Variants in KLHL4 observed in about 807,000 individuals in gnomAD.
The protein encoded by KLHL4 is kelch like family member 4, also known as kelch-like protein 4.
In KLHL4, 17 loss-of-function variants were observed where a neutral mutation model predicts 45.8. The observed-to-expected ratio is 0.37, with a 90% confidence interval of 0.25 to 0.56. The LOEUF (loss-of-function observed/expected upper bound fraction) is 0.56, where lower values mean the gene tolerates loss of function less well. KLHL4 is among the 20% of genes least tolerant of loss of function. The pLI is 0.79. For missense variants in KLHL4, 544 were observed against 544.9 expected, an observed-to-expected ratio of 1.00 and a Z score of 0.02; for synonymous variants, 224 against 189.9, an observed-to-expected ratio of 1.18 and a Z score of -1.47.
chrX:87,579,809 A>T (rs1189898466), intron 1 of KLHL4, among the ~76,000 whole-genome samples: 1 of 112,270 alleles, frequency 8.9e-6, no homozygotes, highest in Non-Finnish European at 1.9e-5. Flanking sequence ...TCACCACTGG[A>T]TCTGCCTTAC....
chrX:87,582,804 C>A (rs745652787), intron 1 of KLHL4, among the ~76,000 whole-genome samples: 2 of 111,457 alleles, frequency 1.8e-5, no homozygotes, highest in South Asian at 3.8e-4. Context: ...ATGGCACGGA[C>A]CCAAATAGTG....
At chrX:87,614,355 A>G in intron 2 of KLHL4, 79 bp from the exon 3 acceptor site, 1 of 977,203 alleles carries the variant, frequency 1.0e-6, no homozygotes, top group Non-Finnish European at 1.4e-6. Context: ...CTAGTGTTAC[A>G]AACTTGCTGA....
At chrX:87,561,051 G>GA (rs1370497867) in intron 1 of KLHL4, among the ~76,000 whole-genome samples, 1 of 111,059 alleles carries the variant, frequency 9.0e-6, no homozygotes, top group Non-Finnish European at 1.9e-5. Flanking sequence ...GAAACTGCTA[G>GA]AAAAAAACAT....
intron 9 of KLHL4, among the ~76,000 whole-genome samples, chrX:87,643,311 A>T (rs756963686): frequency 4.3e-4 from 48 of 111,224 alleles, no homozygotes; most frequent in Non-Finnish European, 8.3e-4. Context: ...CCTAGAAGAG[A>T]TGGCTAAATC....
At position 87,517,966 on chromosome X, in the gene KLHL4, C is replaced by G; in HGVS notation, c.73C>G (p.Pro25Ala). The G allele has an allele frequency of 8.3e-7, 1 of 1,211,295 alleles. No individual in the cohort carries two copies. Among genetic ancestry groups the G allele is most frequent in the Non-Finnish European group, 1.1e-6 (1 of 895,240 alleles). ...GCTACGCTGGAGGTGGTTTAGTCAT[C>G]CTTTTCAAGGTTCCACCAACACTGG... ...LRLRWRWFSH[P>A]FQGSTNTGSC... Residue 25 changes from proline (P) to alanine (A), a missense_variant, in exon 1 of 11, where the codon CCT becomes GCT. Coordinates refer to ENST00000373119, the MANE Select transcript of KLHL4 (RefSeq NM_019117.5).
At chrX:87,552,422 G>A (rs1334942697) in intron 1 of KLHL4, among the ~76,000 whole-genome samples, 1 of 109,717 alleles carries the variant, frequency 9.1e-6, no homozygotes, top group Non-Finnish European at 1.9e-5. Context: ...CATTGATGTG[G>A]TGATCAGGGG....
At chrX:87,597,839 A>G (rs1362270156) in intron 1 of KLHL4, among the ~76,000 whole-genome samples, 1 of 111,290 alleles carries the variant, frequency 9.0e-6, no homozygotes, top group Non-Finnish European at 1.9e-5. Context: ...AATTGAATAA[A>G]TCAGTATTGT....
At chrX:87,617,832 G>C in intron 3 of KLHL4, 100 bp from the exon 4 acceptor site, 1 of 621,030 alleles carries the variant, frequency 1.6e-6, no homozygotes. Flanking sequence ...GAAAATCATA[G>C]CTCTACTAGA....
intron 9 of KLHL4, among the ~76,000 whole-genome samples, chrX:87,652,285 C>A (rs759636079): frequency 5.3e-5 from 6 of 112,461 alleles, no homozygotes; most frequent in Non-Finnish European, 1.1e-4. Context: ...TCCCTATTGT[C>A]TTGGCAGTTA....
At chrX:87,561,044 A>G (rs1256485097) in intron 1 of KLHL4, among the ~76,000 whole-genome samples, 2 of 111,370 alleles carry the variant, frequency 1.8e-5, no homozygotes, top group East Asian at 5.7e-4. Context: ...AAATTATGAA[A>G]CTGCTAGAAA....
At chrX:87,548,005 A>G (rs962436489) in intron 1 of KLHL4, among the ~76,000 whole-genome samples, 2 of 111,838 alleles carry the variant, frequency 1.8e-5, no homozygotes, top group African/African-American at 6.5e-5. Context: ...ATCCAAGTAT[A>G]AGAAGGTTAC....
chrX:87,535,968 TC>T (rs1450890898), intron 1 of KLHL4, among the ~76,000 whole-genome samples: 1 of 109,961 alleles, frequency 9.1e-6, no homozygotes, highest in African/African-American at 3.3e-5. Flanking sequence ...TTTTGAGGCC[TC>T]CCAGAAGCCA....
chrX:87,552,331 C>G (rs1379489226), intron 1 of KLHL4, among the ~76,000 whole-genome samples: 1 of 110,934 alleles, frequency 9.0e-6, no homozygotes, highest in Non-Finnish European at 1.9e-5. Context: ...CAAATCAAAA[C>G]CACAATGCAA....
chrX:87,517,830 A>G lies in KLHL4; in HGVS notation c.-64A>G. Reference sequence around the variant, plus strand: ...AGTTCTACAGAAGAGGCAGAAAAACAAGAGATAACAAAGGCTCCGTTTCCT... The same window carrying G: ...AGTTCTACAGAAGAGGCAGAAAAACGAGAGATAACAAAGGCTCCGTTTCCT... On this transcript the variant is annotated 5_prime_UTR_variant, in exon 1 of 11. Transcript: ENST00000373119. The G allele has an allele frequency of 1.8e-6, 2 of 1,090,791 alleles. No homozygotes were observed. Among genetic ancestry groups the G allele is most frequent in the Non-Finnish European group, 2.5e-6 (2 of 813,272 alleles). The allele number at this position is 1,090,791 out of a possible 1,213,427, so 89.9% of individuals were successfully genotyped here.
chrX:87,580,367 C>T (rs1226385035), intron 1 of KLHL4, among the ~76,000 whole-genome samples: 1 of 107,809 alleles, frequency 9.3e-6, no homozygotes, highest in African/African-American at 3.4e-5. Flanking sequence ...TAAGTCTTTA[C>T]CTACCAAAAA....
Position 87,615,771 on chromosome X carries a change from T to TA in KLHL4, c.727+1209dup, listed in dbSNP as rs200776424. On this transcript the variant is annotated intron_variant, in intron 3 of 10. Coordinates refer to ENST00000373119, the MANE Select transcript of KLHL4 (RefSeq NM_019117.5). The stretch of plus-strand genomic sequence containing the variant: ...TACCATTTACATTAAATGTACAAAA[T>TA]AAAAAAAATTGTAGAGGCAGAAGAT... Among the ~76,000 whole-genome samples the TA allele has an allele frequency of 3.2e-3, 353 of 110,538 alleles. 3 individuals are homozygous for TA. The South Asian group carries it at 0.048, about 15-fold the overall frequency.
At chrX:87,604,613 A>G (rs1269906329) in intron 1 of KLHL4, among the ~76,000 whole-genome samples, 2 of 110,665 alleles carry the variant, frequency 1.8e-5, no homozygotes, top group Non-Finnish European at 3.8e-5. Flanking sequence ...ATTTTTAATC[A>G]GGTTATTTGG....
chrX:87,541,490 CACAAAAA>C (rs1931558085), intron 1 of KLHL4, among the ~76,000 whole-genome samples: 2 of 63,926 alleles, frequency 3.1e-5, no homozygotes, highest in Admixed American at 2.0e-4. Context: ...GACTCCATCT[CACAAAAA>C]AAAAAAAAAA....
chrX:87,647,882 T>A (rs1923689381), intron 9 of KLHL4, among the ~76,000 whole-genome samples: 1 of 111,275 alleles, frequency 9.0e-6, no homozygotes, highest in Non-Finnish European at 1.9e-5. Context: ...ATTAACAACA[T>A]AAAAATAAAT....
Sources: gnomAD v4.1 joint callset for allele counts (sites outside exome capture counted in the v4.1 genomes callset) on GRCh38, gnomAD v4.1.1 for gene constraint, MANE v1.5 for transcripts, NCBI Gene and HGNC (gene_info 2026-07-23, HGNC 2026-07-21) for gene names.